Variants in DAB1 observed in about 807,000 individuals in gnomAD.
The protein encoded by DAB1 is DAB adaptor protein 1.
DAB1 carries 15 observed loss-of-function variants against 64.6 expected under a neutral mutation model. The observed-to-expected ratio is 0.23, with a 90% confidence interval of 0.16 to 0.36. The LOEUF (loss-of-function observed/expected upper bound fraction) is 0.36. Among genes scored for constraint, DAB1 ranks in the 10% least tolerant of loss-of-function variants. DAB1 has a pLI of 1.00. For missense variants in DAB1, 596 were observed against 706.7 expected, an observed-to-expected ratio of 0.84 and a Z score of 1.78; for synonymous variants, 235 against 251.9, an observed-to-expected ratio of 0.93 and a Z score of 0.64.
At chr1:58,323,842 G>A (rs938740614) in intron 4 of DAB1, among the ~76,000 whole-genome samples, 9 of 150,384 alleles carry the variant, frequency 6.0e-5, no homozygotes, top group Admixed American at 6.6e-5. Flanking sequence ...GGAGAATGGC[G>A]TGAATCTGGG....
At chr1:58,180,166 T>C (rs1656698702) in intron 4 of DAB1, among the ~76,000 whole-genome samples, 1 of 151,858 alleles carries the variant, frequency 6.6e-6, no homozygotes, top group Non-Finnish European at 1.5e-5. Context: ...AAAAAACAAC[T>C]GTATTTCCTT....
At chr1:58,224,977 A>G (rs2100334273) in intron 4 of DAB1, among the ~76,000 whole-genome samples, 1 of 152,320 alleles carries the variant, frequency 6.6e-6, no homozygotes, top group Non-Finnish European at 1.5e-5. Flanking sequence ...TAATTAAACT[A>G]AAGAGCTTCT....
chr1:57,670,735 A>G (rs1646500466), intron 6 of DAB1, among the ~76,000 whole-genome samples: 1 of 152,170 alleles, frequency 6.6e-6, no homozygotes, highest in Non-Finnish European at 1.5e-5. Flanking sequence ...TAGCCATTGA[A>G]TCCTGAACCT....
intron 9 of DAB1, among the ~76,000 whole-genome samples, chr1:57,051,101 A>G (rs572284218): frequency 1.3e-5 from 2 of 152,346 alleles, no homozygotes; most frequent in Admixed American, 1.3e-4. Context: ...AAGACTCTAG[A>G]AATTCAGGAT....
intron 3 of DAB1, among the ~76,000 whole-genome samples, chr1:58,485,092 T>C (rs1645552461): frequency 6.6e-6 from 1 of 151,950 alleles, no homozygotes; most frequent in Non-Finnish European, 1.5e-5. Flanking sequence ...GTAACTAATA[T>C]TATCACTCTG....
At chr1:58,111,613 A>G (rs1020972941) in intron 5 of DAB1, among the ~76,000 whole-genome samples, 2 of 152,156 alleles carry the variant, frequency 1.3e-5, no homozygotes, top group African/African-American at 4.8e-5. Context: ...GAATGAGGAA[A>G]TGTCTTTCTC....
intron 4 of DAB1, among the ~76,000 whole-genome samples, chr1:58,155,238 T>A (rs889316347): frequency 6.6e-6 from 1 of 152,202 alleles, no homozygotes; most frequent in Non-Finnish European, 1.5e-5. Context: ...TGAAGAAGTA[T>A]GTCTATACCT....
At chr1:58,202,720 T>C (rs1232608668) in intron 4 of DAB1, among the ~76,000 whole-genome samples, 1 of 152,228 alleles carries the variant, frequency 6.6e-6, no homozygotes, top group Non-Finnish European at 1.5e-5. Flanking sequence ...CTTTATATTA[T>C]TCTATAACAA....
intron 2 of DAB1, among the ~76,000 whole-genome samples, chr1:57,179,335 C>T (rs559920925): frequency 3.9e-5 from 6 of 152,284 alleles, no homozygotes; most frequent in East Asian, 3.9e-4. Context: ...TAAACATCTC[C>T]GTGACTGGGG....
At chr1:57,300,686 C>A (rs549235561) in intron 1 of DAB1, among the ~76,000 whole-genome samples, 1 of 152,264 alleles carries the variant, frequency 6.6e-6, no homozygotes, top group South Asian at 2.1e-4. Flanking sequence ...ATGCTGTAAA[C>A]CCAGTGGTGT....
chr1:57,636,113 AC>A lies in DAB1; in HGVS notation n.625+13478del, dbSNP rs869210505. ...CACGGTCTCAAAAAAAAAAAAAAAA[AC>A]AAAAACAAAAAACTGGTGCCCTTAT... On this transcript the variant is annotated intron_variant and non_coding_transcript_variant, in intron 7 of 20. Coordinates refer to the DAB1 transcript ENST00000485760. Among the ~76,000 whole-genome samples the A allele has an allele frequency of 4.9e-4, 73 of 147,608 alleles. 2 individuals carry two copies. The highest frequency in any genetic ancestry group is 1.5e-3 in the African/African-American group (61 of 39,624).
chr1:57,049,201 G>A (rs186500665), intron 9 of DAB1, among the ~76,000 whole-genome samples: 137 of 151,928 alleles, frequency 9.0e-4, no homozygotes, highest in African/African-American at 3.3e-3. Flanking sequence ...AGTTAGAGAC[G>A]TACTTTGGGA....
chr1:58,456,490 T>C (rs996258972), intron 3 of DAB1, among the ~76,000 whole-genome samples: 18 of 152,038 alleles, frequency 1.2e-4, no homozygotes, highest in Non-Finnish European at 2.5e-4. Context: ...GGGAGTGGAA[T>C]GGAGGCATGG....
intron 5 of DAB1, among the ~76,000 whole-genome samples, chr1:58,110,832 T>C (rs1027299322): frequency 1.7e-4 from 26 of 152,212 alleles, no homozygotes; most frequent in Non-Finnish European, 3.8e-4. Flanking sequence ...TTATAGCCCA[T>C]TATTATTTAG....
chr1:58,318,436 C>T (rs560774715), intron 4 of DAB1, among the ~76,000 whole-genome samples: 13 of 152,318 alleles, frequency 8.5e-5, no homozygotes, highest in South Asian at 6.2e-4. Context: ...GAAGTGAGGA[C>T]GGGCTGACTC....
chr1:57,439,226 G>A (rs1267425681), intron 7 of DAB1, among the ~76,000 whole-genome samples: 1 of 149,100 alleles, frequency 6.7e-6, no homozygotes, highest in East Asian at 2.0e-4. Flanking sequence ...TTAGGATAAA[G>A]CTGACCCCAA....
chr1:58,313,856 T>TGTGTGAGAGA lies in DAB1; in HGVS notation n.309+29495_309+29496insTCTCTCACAC, dbSNP rs369709762. On this transcript the variant is annotated intron_variant and non_coding_transcript_variant, in intron 4 of 20. Transcript: ENST00000485760. Reference sequence around the variant, plus strand: ...GTGTGTGTGTGTGTGTGTGTGTGTGTGAGAGAGAGAGAGAGAGAGAGAGAT... The same window carrying TGTGTGAGAGA: ...GTGTGTGTGTGTGTGTGTGTGTGTGTGTGTGAGAGAGAGAGAGAGAGAGAGAGAGAGAGAT... Among the ~76,000 whole-genome samples the TGTGTGAGAGA allele has an allele frequency of 4.5e-5, 5 of 112,064 alleles. No homozygotes were observed. In the East Asian group the frequency reaches 7.8e-4, roughly 18 times the overall value. 73.5% of individuals were successfully genotyped at this position (112,064 alleles called of 152,430 possible).
intron 1 of DAB1, among the ~76,000 whole-genome samples, chr1:57,301,211 A>G (rs1338024318): frequency 6.6e-6 from 1 of 152,194 alleles, no homozygotes; most frequent in African/African-American, 2.4e-5. Context: ...GACTCGGTGT[A>G]AGCAGACCCT....
intron 5 of DAB1, among the ~76,000 whole-genome samples, chr1:58,130,926 A>G (rs1179586863): frequency 1.7e-4 from 26 of 150,210 alleles, no homozygotes; most frequent in Non-Finnish European, 2.8e-4. Flanking sequence ...GAATCTGACA[A>G]TTATGTGTCT....
Sources: allele counts gnomAD v4.1 joint callset (sites outside exome capture counted in the v4.1 genomes callset), GRCh38; gene constraint gnomAD v4.1.1; transcripts MANE v1.5; gene names NCBI Gene and HGNC (gene_info 2026-07-23, HGNC 2026-07-21).